Variants in PDE4D observed in about 807,000 individuals in gnomAD.
PDE4D encodes the protein 3',5'-cyclic-AMP phosphodiesterase 4D.
In PDE4D, 24 loss-of-function variants were observed where a neutral mutation model predicts 87.4. The ratio of observed to expected loss-of-function variants is 0.27; its 90% CI spans 0.20 to 0.39. The LOEUF (loss-of-function observed/expected upper bound fraction) is 0.39. Among genes scored for constraint, PDE4D ranks in the 10% least tolerant of loss-of-function variants. The pLI is 1.00. For synonymous variants in PDE4D, 384 were observed against 383.2 expected (o/e 1.00, Z -0.02); for missense variants, 714 against 1,041.0 (o/e 0.69, Z 4.32).
chr5:59,969,413 A>C (rs563650073), intron 3 of PDE4D, among the ~76,000 whole-genome samples: 1 of 152,178 alleles, frequency 6.6e-6, no homozygotes, highest in East Asian at 1.9e-4. Context: ...ATTGAATAGA[A>C]TATATTAAGG....
At chr5:59,465,136 T>G (rs1178215377) in intron 1 of PDE4D, among the ~76,000 whole-genome samples, 2 of 152,204 alleles carry the variant, frequency 1.3e-5, no homozygotes, top group Non-Finnish European at 2.9e-5. Context: ...TAGCCTCATC[T>G]CAAGTTACTG....
chr5:59,689,415 C>T (rs1026234021), intron 1 of PDE4D, among the ~76,000 whole-genome samples: 5 of 152,154 alleles, frequency 3.3e-5, no homozygotes, highest in East Asian at 1.9e-4. Context: ...GCTGGTTCAA[C>T]ATATGCAAAT....
intron 3 of PDE4D, among the ~76,000 whole-genome samples, chr5:59,964,059 A>G (rs1230310662): frequency 6.6e-6 from 1 of 152,164 alleles, no homozygotes; most frequent in East Asian, 1.9e-4. Context: ...TCTGTGTTAT[A>G]CCCATATTTG....
intron 1 of PDE4D, among the ~76,000 whole-genome samples, chr5:59,734,848 C>T (rs908324953): frequency 2.6e-5 from 4 of 152,046 alleles, no homozygotes; most frequent in African/African-American, 9.7e-5. Context: ...CAAAGGCTTG[C>T]GGAGGTCTAG....
Position 58,983,197 on chromosome 5 carries a change from G to A in PDE4D, c.1552+5296C>T, listed in dbSNP as rs186329823. 8.5e-5 allele frequency among the ~76,000 whole-genome samples: 13 copies of A among 152,332 alleles called. No individual in the cohort carries two copies. The East Asian group carries it at 2.3e-3, about 27-fold the overall frequency. ...AGTAGTGCTGCAGCTGTATACTTCCGGTGGTACCTGCGTATCACGCAGAAC... is the reference window on the plus strand; with the variant it reads ...AGTAGTGCTGCAGCTGTATACTTCCAGTGGTACCTGCGTATCACGCAGAAC... On this transcript the variant is annotated intron_variant, in intron 11 of 14. Transcript: ENST00000340635.
chr5:59,519,542 G>A (rs532883446), intron 1 of PDE4D, among the ~76,000 whole-genome samples: 4 of 152,298 alleles, frequency 2.6e-5, no homozygotes, highest in Non-Finnish European at 1.5e-5. Flanking sequence ...AAGTCAGAGT[G>A]GAGAAGTGAG....
chr5:59,897,051 G>A (rs1318210331), upstream of PDE4D, among the ~76,000 whole-genome samples: 9 of 152,126 alleles, frequency 5.9e-5, no homozygotes, highest in Admixed American at 2.0e-4. Context: ...TGAAGCATTG[G>A]GTTAATGTGG....
chr5:59,729,530 C>T (rs16890141), intron 1 of PDE4D, among the ~76,000 whole-genome samples: 3,394 of 152,086 alleles, frequency 0.022, 129 homozygotes, highest in African/African-American at 0.078. Context: ...GTGTAAGTCG[C>T]CACATTCCAA....
intron 6 of PDE4D, among the ~76,000 whole-genome samples, chr5:59,023,904 T>C (rs920283039): frequency 5.4e-5 from 8 of 148,524 alleles, no homozygotes; most frequent in Admixed American, 3.3e-4. Flanking sequence ...AATTCTACTT[T>C]TTTTTTTTTT....
chr5:59,147,640 C>A (rs1472437553), intron 5 of PDE4D, among the ~76,000 whole-genome samples: 1 of 152,184 alleles, frequency 6.6e-6, no homozygotes, highest in Non-Finnish European at 1.5e-5. Context: ...TCTTTCAACA[C>A]TTTAATTAAA....
intron 2 of PDE4D, among the ~76,000 whole-genome samples, chr5:60,041,348 C>A (rs917943528): frequency 1.3e-5 from 2 of 152,172 alleles, no homozygotes; most frequent in African/African-American, 2.4e-5. Flanking sequence ...ATGTTTCAAT[C>A]ACCCTCTGAG....
intron 1 of PDE4D, among the ~76,000 whole-genome samples, chr5:60,514,530 T>G (rs964670572): frequency 1.3e-5 from 2 of 152,028 alleles, no homozygotes; most frequent in Non-Finnish European, 2.9e-5. Context: ...ATACAGTTGG[T>G]TTAACATTCA....
At chr5:59,518,329 G>A (rs890005782) in intron 1 of PDE4D, among the ~76,000 whole-genome samples, 1 of 151,720 alleles carries the variant, frequency 6.6e-6, no homozygotes, top group Non-Finnish European at 1.5e-5. Flanking sequence ...AATAAAGCAC[G>A]CTCGAGTATT....
intron 1 of PDE4D, among the ~76,000 whole-genome samples, chr5:60,295,207 A>G: frequency 6.6e-6 from 1 of 152,338 alleles, no homozygotes; most frequent in Middle Eastern, 3.4e-3. Context: ...TGAGATACTG[A>G]GACCTTTCTA....
intron 1 of PDE4D, among the ~76,000 whole-genome samples, chr5:59,631,554 T>C (rs1831563875): frequency 6.6e-6 from 1 of 151,948 alleles, no homozygotes; most frequent in Admixed American, 6.6e-5. Context: ...ACCCAGCTCA[T>C]CTCACTGGAC....
intron 1 of PDE4D, among the ~76,000 whole-genome samples, chr5:60,405,213 A>G (rs1741432905): frequency 6.6e-6 from 1 of 152,214 alleles, no homozygotes; most frequent in Non-Finnish European, 1.5e-5. Flanking sequence ...TCCCATCAAA[A>G]CTGGGCAGCT....
At chr5:60,198,530 T>C (rs997104533) in intron 1 of PDE4D, among the ~76,000 whole-genome samples, 1 of 151,634 alleles carries the variant, frequency 6.6e-6, no homozygotes, top group Non-Finnish European at 1.5e-5. Flanking sequence ...TAAATGTAGA[T>C]ACTGAAACTC....
intron 1 of PDE4D, among the ~76,000 whole-genome samples, chr5:59,852,442 C>G (rs1744818481): frequency 6.6e-6 from 1 of 152,018 alleles, no homozygotes; most frequent in Non-Finnish European, 1.5e-5. Flanking sequence ...CTTAAGCTGC[C>G]CCATGGAGAA....
chr5:60,518,668 T>C (rs1458170356), intron 1 of PDE4D, among the ~76,000 whole-genome samples: 2 of 152,202 alleles, frequency 1.3e-5, no homozygotes, highest in Admixed American at 6.5e-5. Flanking sequence ...CACTTGTGTA[T>C]GGTATTTGTG....
Sources: allele counts gnomAD v4.1 joint callset (sites outside exome capture counted in the v4.1 genomes callset), GRCh38; gene constraint gnomAD v4.1.1; transcripts MANE v1.5; gene names NCBI Gene and HGNC (gene_info 2026-07-23, HGNC 2026-07-21).